The following HDAC9 variants were observed in gnomAD, a reference collection of about 807,000 sequenced individuals.
HDAC9 encodes the protein MEF-2 interacting transcription repressor (MITR) protein.
A neutral mutation model predicts 139.4 loss-of-function variants in HDAC9; 41 were observed. The ratio of observed to expected loss-of-function variants is 0.29; its 90% CI spans 0.23 to 0.38. The LOEUF is 0.38. Among genes scored for constraint, HDAC9 ranks in the 10% least tolerant of loss-of-function variants. The pLI is 1.00. For missense variants in HDAC9, 1,147 were observed against 1,297.0 expected (o/e 0.88, Z 1.78); for synonymous variants, 517 against 476.2 (o/e 1.09, Z -1.12).
chr7:18,602,920 G>A (rs184327610), intron 6 of HDAC9, among the ~76,000 whole-genome samples: 33 of 152,106 alleles, frequency 2.2e-4, no homozygotes, highest in African/African-American at 7.5e-4. Flanking sequence ...ACCGTAATAG[G>A]TTTGTCTATT....
intron 2 of HDAC9, among the ~76,000 whole-genome samples, chr7:18,200,401 G>T (rs1791031893): frequency 6.6e-6 from 1 of 152,144 alleles, no homozygotes; most frequent in South Asian, 2.1e-4. Context: ...CTGGATCCCT[G>T]GAAAACTTCA....
intron 2 of HDAC9, among the ~76,000 whole-genome samples, chr7:18,212,088 C>G (rs1791975595): frequency 6.6e-6 from 1 of 152,144 alleles, no homozygotes; most frequent in Non-Finnish European, 1.5e-5. Context: ...TCATAGCTAT[C>G]TAAATGTTTT....
At chr7:18,438,730 A>G (rs1243595298) in intron 1 of HDAC9, among the ~76,000 whole-genome samples, 2 of 151,950 alleles carry the variant, frequency 1.3e-5, no homozygotes, top group Non-Finnish European at 2.9e-5. Flanking sequence ...AAATGTTCAG[A>G]AAAAGGGATC....
chr7:18,422,744 G>GCACACACA (rs1233787931), intron 1 of HDAC9, among the ~76,000 whole-genome samples: 949 of 26,300 alleles, frequency 0.036, 11 homozygotes, highest in African/African-American at 0.058. Context: ...ACACACACGC[G>GCACACACA]CACACACACA....
intron 2 of HDAC9, among the ~76,000 whole-genome samples, chr7:18,248,598 T>G (rs1794714641): frequency 6.6e-6 from 1 of 152,242 alleles, no homozygotes; most frequent in Non-Finnish European, 1.5e-5. Flanking sequence ...ACTATTTCAT[T>G]TGATCATTGT....
At chr7:18,505,095 G>A (rs141337821) in intron 2 of HDAC9, among the ~76,000 whole-genome samples, 100 of 152,252 alleles carry the variant, frequency 6.6e-4, no homozygotes, top group African/African-American at 2.3e-3. Flanking sequence ...CACTATCCAG[G>A]GCTGAGAGGA....
intron 1 of HDAC9, among the ~76,000 whole-genome samples, chr7:18,486,664 G>T (rs902131708): frequency 6.6e-6 from 1 of 152,042 alleles, no homozygotes; most frequent in Non-Finnish European, 1.5e-5. Context: ...AAATTCTCTG[G>T]AATCTTGAAT....
intron 2 of HDAC9, among the ~76,000 whole-genome samples, chr7:18,538,884 A>G (rs1811773861): frequency 6.6e-6 from 1 of 152,124 alleles, no homozygotes; most frequent in Non-Finnish European, 1.5e-5. Context: ...TCAGGAGGAT[A>G]GGGAGTTCAA....
intron 22 of HDAC9, among the ~76,000 whole-genome samples, chr7:18,891,459 G>T (rs778611960): frequency 6.6e-6 from 1 of 152,082 alleles, no homozygotes; most frequent in Non-Finnish European, 1.5e-5. Flanking sequence ...AGTCTCCAGG[G>T]GACTATTTGG....
intron 23 of HDAC9, among the ~76,000 whole-genome samples, chr7:18,938,350 C>G (rs1781795412): frequency 6.6e-6 from 1 of 151,750 alleles, no homozygotes; most frequent in Non-Finnish European, 1.5e-5. Flanking sequence ...AATCGCAGCA[C>G]TTTGGGAGGC....
At chr7:18,411,841 T>TTTTTTTTTTGA (rs1554407527) in intron 1 of HDAC9, among the ~76,000 whole-genome samples, 1 of 135,432 alleles carries the variant, frequency 7.4e-6, no homozygotes. Flanking sequence ...TTTTTTTTTT[T>TTTTTTTTTTGA]ATCAGACAGG....
chr7:18,444,760 G>T (rs529899779), intron 1 of HDAC9, among the ~76,000 whole-genome samples: 1 of 152,068 alleles, frequency 6.6e-6, no homozygotes, highest in Non-Finnish European at 1.5e-5. Flanking sequence ...ATAAATTTTC[G>T]CATTGGTTGA....
intron 17 of HDAC9, among the ~76,000 whole-genome samples, chr7:18,821,408 A>C (rs1351622502): frequency 1.3e-5 from 2 of 152,150 alleles, no homozygotes; most frequent in African/African-American, 4.8e-5. Flanking sequence ...AGGCAAAGGG[A>C]GGGAGTGGGT....
intron 2 of HDAC9, among the ~76,000 whole-genome samples, chr7:18,555,741 T>C (rs905633991): frequency 7.9e-5 from 12 of 152,106 alleles, no homozygotes; most frequent in African/African-American, 2.7e-4. Context: ...TAATAAACGA[T>C]ATTTTTAAAA....
intron 14 of HDAC9, among the ~76,000 whole-genome samples, chr7:18,749,614 A>T (rs1237112552): frequency 6.6e-6 from 1 of 152,202 alleles, no homozygotes; most frequent in Non-Finnish European, 1.5e-5. Flanking sequence ...TAACTTGATG[A>T]AGGGATTTGA....
chr7:18,517,512 T>C (rs1803620646), intron 2 of HDAC9: 1 of 152,212 alleles, frequency 6.6e-6, no homozygotes, highest in Non-Finnish European at 1.5e-5. Flanking sequence ...GTCTAGAGTC[T>C]AGTATGGCTG....
At chr7:18,543,695 TG>T (rs1268419975) in intron 2 of HDAC9, 1 of 152,026 alleles carries the variant, frequency 6.6e-6, no homozygotes, top group Admixed American at 6.6e-5. Context: ...CCTGCTCTCG[TG>T]GGGCCTGCAT....
At chr7:18,799,542 A>T (rs1189711535) in intron 17 of HDAC9, among the ~76,000 whole-genome samples, 2 of 152,222 alleles carry the variant, frequency 1.3e-5, no homozygotes, top group Non-Finnish European at 2.9e-5. Context: ...TTGTATGAGG[A>T]TGTATGACTC....
intron 22 of HDAC9, among the ~76,000 whole-genome samples, chr7:18,900,396 C>G (rs764015702): frequency 1.1e-4 from 16 of 152,148 alleles, no homozygotes; most frequent in Admixed American, 2.0e-4. Flanking sequence ...ACAGATGGCC[C>G]TTAATCACCC....
Sources: gnomAD v4.1 joint callset for allele counts (sites outside exome capture counted in the v4.1 genomes callset) on GRCh38, gnomAD v4.1.1 for gene constraint, MANE v1.5 for transcripts, NCBI Gene and HGNC (gene_info 2026-07-23, HGNC 2026-07-21) for gene names.